GABRB1: variants seen among roughly 807,000 people sequenced by gnomAD.
GABRB1 encodes the protein gamma-aminobutyric acid type A receptor subunit beta1, also known as gamma-aminobutyric acid receptor subunit beta-1.
In GABRB1, 17 loss-of-function variants were observed where a neutral mutation model predicts 51.6. The observed-to-expected ratio is 0.33, with a 90% confidence interval of 0.23 to 0.49. GABRB1 has a LOEUF of 0.49. Among genes scored for constraint, GABRB1 ranks in the 20% least tolerant of loss-of-function variants. The pLI, the probability that GABRB1 is intolerant of heterozygous loss-of-function variation, is 0.99. For missense variants in GABRB1, 410 were observed against 600.6 expected, an observed-to-expected ratio of 0.68 and a Z score of 3.32; for synonymous variants, 247 against 218.9, an observed-to-expected ratio of 1.13 and a Z score of -1.14.
Position 47,220,074 on chromosome 4 carries a change from T to C in GABRB1, c.461+58605T>C, listed in dbSNP as rs887826388. ...AACCACCTCTATCCTCAAACCACAA[T>C]ATATATTTAAACCATGCTTTAAAAG... On this transcript the variant is annotated intron_variant, in intron 4 of 8. Coordinates refer to ENST00000295454, the MANE Select transcript of GABRB1 (RefSeq NM_000812.4). Among the ~76,000 whole-genome samples, 7 of 151,958 alleles carry C rather than the reference T, an allele frequency of 4.6e-5. No individual in the cohort carries two copies. The East Asian group carries it at 1.2e-3, about 25-fold the overall frequency.
At chr4:47,062,390 T>C (rs780901837) in intron 3 of GABRB1, among the ~76,000 whole-genome samples, 18 of 151,544 alleles carry the variant, frequency 1.2e-4, no homozygotes, top group Non-Finnish European at 1.6e-4. Context: ...GAAAATGTTA[T>C]GCCTTTCTCT....
intron 7 of GABRB1, among the ~76,000 whole-genome samples, chr4:47,405,725 A>C (rs889999370): frequency 6.6e-6 from 1 of 152,162 alleles, no homozygotes; most frequent in Admixed American, 6.5e-5. Context: ...ACTGTACAAC[A>C]CTATACAAAT....
intron 5 of GABRB1, among the ~76,000 whole-genome samples, chr4:47,326,635 C>A (rs1222127939): frequency 6.6e-6 from 1 of 151,946 alleles, no homozygotes; most frequent in South Asian, 2.1e-4. Flanking sequence ...CTACAGTGCT[C>A]TTATAAAAGA....
chr4:47,069,653 G>T (rs189647044), intron 3 of GABRB1, among the ~76,000 whole-genome samples: 152 of 152,210 alleles, frequency 1.0e-3, no homozygotes, highest in Non-Finnish European at 1.6e-3. Flanking sequence ...ATGTTCTCCT[G>T]ATTAGAAAGG....
intron 3 of GABRB1, among the ~76,000 whole-genome samples, chr4:47,109,176 A>G (rs148099120): frequency 3.3e-5 from 5 of 152,204 alleles, no homozygotes; most frequent in African/African-American, 1.2e-4. Context: ...TTTGAAGGAT[A>G]GCTTAGAGTG....
chr4:47,207,243 T>C (rs1720174249), intron 4 of GABRB1, among the ~76,000 whole-genome samples: 1 of 152,002 alleles, frequency 6.6e-6, no homozygotes, highest in South Asian at 2.1e-4. Flanking sequence ...TAATGTAACA[T>C]TACATTTAAC....
At chr4:47,145,319 G>T (rs1009763456) in intron 3 of GABRB1, among the ~76,000 whole-genome samples, 1 of 151,922 alleles carries the variant, frequency 6.6e-6, no homozygotes, top group Non-Finnish European at 1.5e-5. Flanking sequence ...GATATAAATT[G>T]GTAAACCACA....
At chr4:47,104,803 T>C (rs1239443628) in intron 3 of GABRB1, among the ~76,000 whole-genome samples, 1 of 152,040 alleles carries the variant, frequency 6.6e-6, no homozygotes, top group Non-Finnish European at 1.5e-5. Context: ...AACTTCCATC[T>C]CTCTGCTGAA....
intron 5 of GABRB1, among the ~76,000 whole-genome samples, chr4:47,358,930 T>C (rs1726694595): frequency 6.6e-6 from 1 of 152,102 alleles, no homozygotes; most frequent in South Asian, 2.1e-4. Context: ...ATAACCACCA[T>C]TAAAATGGTA....
intron 3 of GABRB1, among the ~76,000 whole-genome samples, chr4:47,141,056 G>A (rs1362130515): frequency 4.0e-5 from 6 of 151,254 alleles, no homozygotes; most frequent in Non-Finnish European, 7.4e-5. Flanking sequence ...ATACAGGATG[G>A]GTACCCATCA....
intron 3 of GABRB1, among the ~76,000 whole-genome samples, chr4:47,116,053 T>A (rs1290886549): frequency 6.6e-6 from 1 of 152,238 alleles, no homozygotes; most frequent in African/African-American, 2.4e-5. Context: ...TTTTGTTTTG[T>A]TAATTTGAGA....
intron 4 of GABRB1, among the ~76,000 whole-genome samples, chr4:47,260,771 C>T (rs1017124609): frequency 2.6e-5 from 4 of 152,092 alleles, no homozygotes; most frequent in African/African-American, 4.8e-5. Flanking sequence ...GACCAATATC[C>T]TTGATGAACA....
intron 3 of GABRB1, among the ~76,000 whole-genome samples, chr4:47,042,407 G>A (rs1186000854): frequency 0.14 from 6,839 of 50,402 alleles, 207 homozygotes; most frequent in South Asian, 0.27. Context: ...GTATGTGTAT[G>A]TGTACAGTAT....
At position 47,156,410 on chromosome 4, in the gene GABRB1, G is replaced by A. The variant is rs564358848; in HGVS notation, c.241-4839G>A. On this transcript the variant is annotated intron_variant, in intron 3 of 8. Transcript: ENST00000295454. Reference sequence around the variant, plus strand: ...AGACAATTCTTTATTATGGGGGCCTGTGCTGTGCATTGTAGTAAGTGAAGG... The same window carrying A: ...AGACAATTCTTTATTATGGGGGCCTATGCTGTGCATTGTAGTAAGTGAAGG... 1.8e-4 allele frequency among the ~76,000 whole-genome samples: 27 copies of A among 152,122 alleles called. No homozygotes were observed. In the East Asian group the frequency reaches 5.1e-3, roughly 28 times the overall value.
chr4:47,421,869 C>A (rs553449913), intron 8 of GABRB1, among the ~76,000 whole-genome samples: 1 of 152,182 alleles, frequency 6.6e-6, no homozygotes, highest in South Asian at 2.1e-4. Flanking sequence ...GGACAAAATT[C>A]ATATTTTGTG....
At chr4:47,097,470 C>T (rs899583939) in intron 3 of GABRB1, among the ~76,000 whole-genome samples, 2 of 151,372 alleles carry the variant, frequency 1.3e-5, no homozygotes, top group African/African-American at 4.9e-5. Flanking sequence ...CCCCCATTCC[C>T]GTCCTCAGTA....
intron 1 of GABRB1, among the ~76,000 whole-genome samples, chr4:47,009,320 A>T (rs1256726046): frequency 1.3e-5 from 2 of 151,808 alleles, no homozygotes; most frequent in Non-Finnish European, 2.9e-5. Flanking sequence ...TTACCACACA[A>T]AATATATACC....
At chr4:47,354,347 G>A (rs776008224) in intron 5 of GABRB1, among the ~76,000 whole-genome samples, 1 of 152,166 alleles carries the variant, frequency 6.6e-6, no homozygotes, top group African/African-American at 2.4e-5. Flanking sequence ...CTGAGCTAGT[G>A]TGCTGTGTAA....
chr4:47,319,599 T>A (rs140528766), intron 4 of GABRB1, among the ~76,000 whole-genome samples: 27 of 152,336 alleles, frequency 1.8e-4, no homozygotes, highest in Middle Eastern at 3.4e-3. Flanking sequence ...TAGTATTTTA[T>A]TGAGAATGTT....
Sources: gnomAD v4.1 joint callset for allele counts (sites outside exome capture counted in the v4.1 genomes callset) on GRCh38, gnomAD v4.1.1 for gene constraint, MANE v1.5 for transcripts, NCBI Gene and HGNC (gene_info 2026-07-23, HGNC 2026-07-21) for gene names.